Variants in DNM3 observed in about 807,000 individuals in gnomAD.
The protein encoded by DNM3 is dynamin-3.
In DNM3, 47 loss-of-function variants were observed where a neutral mutation model predicts 101.6. The observed-to-expected ratio is 0.46, with a 90% CI of 0.37 to 0.59. DNM3 has a LOEUF of 0.59. Ranked by LOEUF, DNM3 falls within the 20% of genes least tolerant of loss-of-function variation. DNM3 has a pLI of 0.00. For missense variants in DNM3, 849 were observed against 1,085.7 expected (o/e 0.78, Z 3.06); for synonymous variants, 385 against 387.9 (o/e 0.99, Z 0.09).
At chr1:171,888,965 A>T (rs1467481065) in intron 1 of DNM3, among the ~76,000 whole-genome samples, 1 of 152,142 alleles carries the variant, frequency 6.6e-6, no homozygotes, top group African/African-American at 2.4e-5. Flanking sequence ...CTGATTATTT[A>T]CTTACGAATG....
intron 1 of DNM3, among the ~76,000 whole-genome samples, chr1:171,913,670 TTGTC>T (rs1277900740): frequency 2.0e-5 from 3 of 152,166 alleles, no homozygotes; most frequent in Admixed American, 2.0e-4. Context: ...TTTGTGTGAT[TTGTC>T]TGTCTTTCTC....
intron 1 of DNM3, among the ~76,000 whole-genome samples, chr1:171,898,757 T>C (rs957839707): frequency 1.6e-4 from 24 of 152,214 alleles, no homozygotes; most frequent in Admixed American, 6.5e-4. Context: ...AGCTTTCTTT[T>C]TCACTTAATA....
intron 1 of DNM3, among the ~76,000 whole-genome samples, chr1:171,856,500 C>T (rs1457111984): frequency 6.6e-6 from 1 of 152,072 alleles, no homozygotes; most frequent in East Asian, 1.9e-4. Context: ...TCTTCCTATC[C>T]ATAAGCATGG....
At chr1:171,880,765 A>T (rs12122602) in intron 1 of DNM3, among the ~76,000 whole-genome samples, 64,758 of 151,878 alleles carry the variant, frequency 0.43, 13,946 homozygotes, top group African/African-American at 0.44. Context: ...ATTAGAATAG[A>T]TTTTTTGGTT....
chr1:172,095,569 C>A (rs933591946), intron 13 of DNM3, among the ~76,000 whole-genome samples: 1 of 152,040 alleles, frequency 6.6e-6, no homozygotes, highest in Non-Finnish European at 1.5e-5. Context: ...ACAGTTTTGC[C>A]TATTAAGAGG....
intron 2 of DNM3, among the ~76,000 whole-genome samples, chr1:171,964,618 T>C (rs898992241): frequency 1.1e-4 from 16 of 152,182 alleles, no homozygotes; most frequent in African/African-American, 3.6e-4. Context: ...GTCACCCATA[T>C]TTGGCTCAGA....
intron 14 of DNM3, chr1:172,139,061 A>T: frequency 2.8e-6 from 1 of 359,976 alleles, no homozygotes; most frequent in Non-Finnish European, 5.5e-6. Context: ...TAGACTTTTG[A>T]CTTTATTCAG....
At chr1:171,972,862 A>AC (rs10660784) in intron 2 of DNM3, among the ~76,000 whole-genome samples, 20 of 101,764 alleles carry the variant, frequency 2.0e-4, no homozygotes, top group African/African-American at 6.2e-4. Context: ...AAACAAACAA[A>AC]AAACAAAAAC....
chr1:172,149,221 G>C (rs1277626689), intron 14 of DNM3, among the ~76,000 whole-genome samples: 1 of 152,046 alleles, frequency 6.6e-6, no homozygotes, highest in Non-Finnish European at 1.5e-5. Context: ...CTAACCAAAA[G>C]CAGTATATAT....
intron 12 of DNM3, among the ~76,000 whole-genome samples, chr1:172,091,468 T>A (rs189737626): frequency 7.9e-5 from 12 of 152,136 alleles, no homozygotes; most frequent in Non-Finnish European, 1.3e-4. Flanking sequence ...AGGATTTGAA[T>A]GAAGACTTGA....
At chr1:171,952,265 A>G (rs772288493) in intron 2 of DNM3, among the ~76,000 whole-genome samples, 1 of 152,258 alleles carries the variant, frequency 6.6e-6, no homozygotes, top group East Asian at 1.9e-4. Context: ...AACTTCCTCC[A>G]TAAAAGATGG....
chr1:172,023,579 T>A (rs1015898783), intron 4 of DNM3, among the ~76,000 whole-genome samples: 36 of 152,162 alleles, frequency 2.4e-4, no homozygotes, highest in African/African-American at 8.2e-4. Context: ...CTGGAAACTT[T>A]TTAGTATCTT....
Position 172,038,405 on chromosome 1 carries a change from A to T in DNM3, c.936A>T (p.Glu312Asp). Residue 312 changes from glutamate to aspartate, a missense_variant, in exon 7 of 21, where the codon GAA becomes GAT. Physicochemically the swap from Glu to Asp is conservative, Grantham distance 45 (BLOSUM62 2). Around this residue, in one of 5 missense-constraint regions of DNM3, gnomAD observed 388 missense variants for 483.0 expected, o/e 0.80. Transcript: ENST00000627582. ...TGCTCTCCATAGAACATGAAGTAGA[A>T]GCCTACAAAAATTTCAAACCAGAAG... ...GQLLSIEHEV[E>D]AYKNFKPEDP... is the part of the protein sequence containing the mutation. The T allele has an allele frequency of 1.2e-6, 2 of 1,613,504 alleles. No homozygotes were observed. The highest frequency in any genetic ancestry group is 1.7e-6 in the Non-Finnish European group (2 of 1,179,584).
At chr1:171,970,043 T>C (rs10914118) in intron 2 of DNM3, 2,568 of 157,428 alleles carry the variant, frequency 0.016, 102 homozygotes, top group African/African-American at 0.058. Context: ...GGGGCTTTCA[T>C]TGGGCAAAAC....
At chr1:171,842,141 C>G (rs941710111) in intron 1 of DNM3, among the ~76,000 whole-genome samples, 1 of 152,152 alleles carries the variant, frequency 6.6e-6, no homozygotes, top group Non-Finnish European at 1.5e-5. Context: ...CCCCCACCCC[C>G]TCGGTGCGCG....
At chr1:172,093,611 G>A (rs2147827008) in intron 13 of DNM3, 2 of 1,232,120 alleles carry the variant, frequency 1.6e-6, no homozygotes, top group East Asian at 4.9e-5. Flanking sequence ...TTTTCCCATT[G>A]TTTTGAAAGG....
chr1:172,109,175 TACC>T (rs2055277237), intron 13 of DNM3, among the ~76,000 whole-genome samples: 1 of 152,218 alleles, frequency 6.6e-6, no homozygotes, highest in Admixed American at 6.5e-5. Context: ...ATTGTTTCCT[TACC>T]TAGTCTACTA....
At chr1:171,881,181 G>A (rs915136733) in intron 1 of DNM3, among the ~76,000 whole-genome samples, 6 of 151,844 alleles carry the variant, frequency 4.0e-5, no homozygotes, top group African/African-American at 9.7e-5. Context: ...AGTTAATTCC[G>A]TATGAAACAT....
chr1:172,411,283 G>C lies in DNM3; in HGVS notation c.*3442G>C, dbSNP rs2071188575. The C allele has an allele frequency of 2.0e-6, 2 of 985,002 alleles. No homozygotes were observed. The highest frequency in any genetic ancestry group is 3.5e-5 in the African/African-American group (2 of 57,164). 61.0% of individuals were successfully genotyped at this position (985,002 alleles called of 1,614,324 possible). A position where few individuals can be genotyped will look rare whatever the true frequency, so the allele number is the denominator to read the frequency against. Reference sequence around the variant, plus strand: ...CAAAATTTTCTAACTCCAGATTGTAGTCATTTTGAGAGGTACAAAGCTCAT... The same window carrying C: ...CAAAATTTTCTAACTCCAGATTGTACTCATTTTGAGAGGTACAAAGCTCAT... On this transcript the variant is annotated 3_prime_UTR_variant, in exon 21 of 21. Transcript: ENST00000627582.
Sources: gnomAD v4.1 joint callset for allele counts (sites outside exome capture counted in the v4.1 genomes callset) on GRCh38, gnomAD v4.1.1 for gene constraint, gnomAD v4.1.1 regional missense constraint, MANE v1.5 for transcripts, NCBI Gene and HGNC (gene_info 2026-07-23, HGNC 2026-07-21) for gene names.